The following PRKG1 variants were observed in gnomAD, a reference collection of about 807,000 sequenced individuals.
PRKG1 encodes the protein cGMP-dependent protein kinase 1.
In PRKG1, 35 loss-of-function variants were observed where a neutral mutation model predicts 88.1. The observed-to-expected ratio is 0.40, with a 90% CI of 0.30 to 0.53. The LOEUF is 0.53. PRKG1 is among the 20% of genes least tolerant of loss of function. The pLI is 0.59. For synonymous variants in PRKG1, 303 were observed against 292.5 expected, an observed-to-expected ratio of 1.04 and a Z score of -0.37; for missense variants, 540 against 839.8, an observed-to-expected ratio of 0.64 and a Z score of 4.41.
In PRKG1 at chr10:52,047,606, G is replaced by A. The variant is rs548828553; in HGVS notation, c.763-6878G>A. ...TAATCTAGGACCAGTCATATCTAAT[G>A]GACAGAGCTTTAACAAACACAAAAG... On this transcript the variant is annotated intron_variant, in intron 5 of 17. Transcript: ENST00000373980. 3.9e-5 allele frequency among the ~76,000 whole-genome samples: 6 copies of A among 152,176 alleles called. 1 individual carries two copies. Among genetic ancestry groups the A allele is most frequent in the African/African-American group, 1.4e-4 (6 of 41,536 alleles).
intron 10 of PRKG1, among the ~76,000 whole-genome samples, chr10:52,270,099 G>A (rs1293726421): frequency 6.6e-6 from 1 of 152,016 alleles, no homozygotes; most frequent in Non-Finnish European, 1.5e-5. Context: ...ACTGTAGGGA[G>A]GGAAAATTCT....
intron 4 of PRKG1, among the ~76,000 whole-genome samples, chr10:51,904,123 C>G (rs1842036773): frequency 6.6e-6 from 1 of 152,238 alleles, no homozygotes; most frequent in East Asian, 1.9e-4. Flanking sequence ...ATATTACATT[C>G]TAGTGCATTC....
At chr10:52,006,136 A>C (rs536477097) in intron 5 of PRKG1, among the ~76,000 whole-genome samples, 1 of 152,322 alleles carries the variant, frequency 6.6e-6, no homozygotes, top group African/African-American at 2.4e-5. Context: ...CAGCAACTTC[A>C]AAGATTGAAG....
intron 5 of PRKG1, among the ~76,000 whole-genome samples, chr10:52,048,951 A>G (rs899105863): frequency 6.6e-6 from 1 of 152,184 alleles, no homozygotes; most frequent in African/African-American, 2.4e-5. Context: ...AAACTGAAGC[A>G]ATGAATATAG....
At chr10:52,153,517 A>C (rs10740424) in intron 8 of PRKG1, among the ~76,000 whole-genome samples, 73,955 of 151,966 alleles carry the variant, frequency 0.49, 19,664 homozygotes, top group East Asian at 0.66. Context: ...TCTAGTCTTT[A>C]ATGTGTCAAA....
At chr10:52,270,740 G>T (rs374106459) in intron 10 of PRKG1, among the ~76,000 whole-genome samples, 6 of 137,670 alleles carry the variant, frequency 4.4e-5, no homozygotes, top group African/African-American at 1.6e-4. Context: ...GGAGGGGGAA[G>T]GGAAAGCATT....
chr10:51,202,829 A>G (rs1418196074), intron 2 of PRKG1, among the ~76,000 whole-genome samples: 1 of 152,186 alleles, frequency 6.6e-6, no homozygotes, highest in Non-Finnish European at 1.5e-5. Flanking sequence ...AGCTAGGATA[A>G]GGTGTTTATT....
chr10:51,799,677 A>G (rs572564681), intron 3 of PRKG1, among the ~76,000 whole-genome samples: 10 of 152,074 alleles, frequency 6.6e-5, no homozygotes, highest in African/African-American at 2.2e-4. Context: ...AAATAGTATA[A>G]AAGTATTTTG....
chr10:51,986,670 C>T (rs1844165202), intron 5 of PRKG1, among the ~76,000 whole-genome samples: 1 of 152,196 alleles, frequency 6.6e-6, no homozygotes, highest in South Asian at 2.1e-4. Context: ...TTATTTGATT[C>T]TTCAGAGCAG....
At chr10:51,001,387 T>C (rs1842887018) in intron 1 of PRKG1, among the ~76,000 whole-genome samples, 1 of 152,226 alleles carries the variant, frequency 6.6e-6, no homozygotes, top group Non-Finnish European at 1.5e-5. Context: ...CCCCGACTCC[T>C]TTCTTTGTAA....
At chr10:51,212,266 T>G (rs918956627) in intron 2 of PRKG1, among the ~76,000 whole-genome samples, 12 of 151,654 alleles carry the variant, frequency 7.9e-5, no homozygotes, top group South Asian at 2.1e-4. Flanking sequence ...TAGCCATATG[T>G]AGAAAGCTGA....
chr10:51,373,572 T>C (rs1842746735), intron 2 of PRKG1, among the ~76,000 whole-genome samples: 1 of 152,158 alleles, frequency 6.6e-6, no homozygotes, highest in East Asian at 1.9e-4. Context: ...CTTAGCTATA[T>C]TTCCCGATGC....
intron 5 of PRKG1, among the ~76,000 whole-genome samples, chr10:51,966,719 C>T (rs1843575839): frequency 6.6e-6 from 1 of 152,130 alleles, no homozygotes; most frequent in South Asian, 2.1e-4. Flanking sequence ...AAAAGAGTCA[C>T]CTATGCCAGC....
At chr10:51,153,351 C>T (rs1846126206) in intron 2 of PRKG1, 21 bp downstream of exon 2, 1 of 1,564,938 alleles carries the variant, frequency 6.4e-7, no homozygotes, top group Non-Finnish European at 8.7e-7. Flanking sequence ...TAACTCCAAT[C>T]CTCTGACATT....
At position 51,104,692 on chromosome 10, in the gene PRKG1, T is replaced by TTTTTA. The variant is rs1178902275; in HGVS notation, c.311+29800_311+29804dup. ...CGCTACCACACCTGGCTAATTTTTATTTTTATTTTATTTATTTATTTATTT... is the reference window on the plus strand; with the variant it reads ...CGCTACCACACCTGGCTAATTTTTATTTTTATTTTATTTTATTTATTTATTTATTT... On this transcript the variant is annotated intron_variant, in intron 1 of 17. Transcript: ENST00000373980. 6.8e-3 allele frequency among the ~76,000 whole-genome samples: 999 copies of TTTTTA among 146,674 alleles called. 19 individuals carry two copies. The highest frequency in any genetic ancestry group is 0.024 in the African/African-American group (937 of 39,572).
chr10:52,063,949 A>G (rs1050357399), intron 7 of PRKG1, among the ~76,000 whole-genome samples: 2 of 152,192 alleles, frequency 1.3e-5, no homozygotes, highest in Non-Finnish European at 2.9e-5. Flanking sequence ...TCAGAGGGGC[A>G]GAAATACATG....
At chr10:51,058,402 C>T (rs2132779635) in intron 1 of PRKG1, among the ~76,000 whole-genome samples, 1 of 152,048 alleles carries the variant, frequency 6.6e-6, no homozygotes, top group African/African-American at 2.4e-5. Flanking sequence ...TAGGTTTTAG[C>T]CTCACAGCAA....
intron 5 of PRKG1, among the ~76,000 whole-genome samples, chr10:51,963,361 T>G (rs1843491802): frequency 6.6e-6 from 1 of 152,204 alleles, no homozygotes; most frequent in South Asian, 2.1e-4. Context: ...AAGCACATGC[T>G]AAAGCTACAA....
At chr10:51,527,873 A>T (rs2132087639) in intron 3 of PRKG1, among the ~76,000 whole-genome samples, 1 of 152,288 alleles carries the variant, frequency 6.6e-6, no homozygotes, top group Non-Finnish European at 1.5e-5. Flanking sequence ...AAATGCAGAG[A>T]TAGCCAATAC....
Sources: gnomAD v4.1 joint callset for allele counts (sites outside exome capture counted in the v4.1 genomes callset) on GRCh38, gnomAD v4.1.1 for gene constraint, MANE v1.5 for transcripts, NCBI Gene and HGNC (gene_info 2026-07-23, HGNC 2026-07-21) for gene names.